SLAIN2: variants seen among roughly 807,000 people sequenced by gnomAD.
The protein encoded by SLAIN2 is SLAIN motif-containing protein 2.
SLAIN2 carries 31 observed loss-of-function variants against 56.6 expected under a neutral mutation model. That is an observed-to-expected ratio of 0.55 (90% CI 0.41 to 0.74). SLAIN2 has a LOEUF of 0.74. SLAIN2 is among the 30% of genes least tolerant of loss of function. The pLI, the probability that SLAIN2 is intolerant of heterozygous loss-of-function variation, is 0.00. For synonymous variants in SLAIN2, 317 were observed against 284.9 expected (o/e 1.11, Z -1.13); for missense variants, 777 against 754.2 (o/e 1.03, Z -0.35).
intron 2 of SLAIN2, among the ~76,000 whole-genome samples, chr4:48,372,013 T>C (rs542153146): frequency 3.4e-4 from 50 of 148,850 alleles, no homozygotes; most frequent in Non-Finnish European, 4.6e-4. Flanking sequence ...CACACACACA[T>C]ATACATATAT....
chr4:48,341,982 G>C lies in SLAIN2; in HGVS notation c.243G>C (p.Ser81=). Residue 81 remains serine, a synonymous_variant, in exon 1 of 8, where the codon TCG becomes TCC. Transcript: ENST00000264313. The part of the protein sequence containing the change: ...LSAKSGGGPG[S]GPRRTSSEEL... Reference sequence around the variant, plus strand: ...CCAAGTCGGGCGGCGGGCCCGGGTCGGGCCCGAGGCGGACGAGTAGCGAAG... The same window carrying C: ...CCAAGTCGGGCGGCGGGCCCGGGTCCGGCCCGAGGCGGACGAGTAGCGAAG... 2 of 1,429,364 alleles carry C rather than the reference G, an allele frequency of 1.4e-6. No homozygotes were observed. The highest frequency in any genetic ancestry group is 3.0e-5 in the South Asian group (2 of 66,258). 88.5% of individuals were successfully genotyped at this position (1,429,364 alleles called of 1,614,324 possible).
chr4:48,384,120 A>G (rs1716041418), intron 6 of SLAIN2, among the ~76,000 whole-genome samples: 1 of 152,210 alleles, frequency 6.6e-6, no homozygotes, highest in South Asian at 2.1e-4. Context: ...CCAGTAGAGC[A>G]TCCAAAAATA....
Position 48,378,582 on chromosome 4 carries a change from A to G in SLAIN2, c.703+522A>G, listed in dbSNP as rs77193287. 4.9e-3 allele frequency among the ~76,000 whole-genome samples: 739 copies of G among 152,262 alleles called. 3 individuals carry two copies. Among genetic ancestry groups the G allele is most frequent in the African/African-American group, 0.017 (695 of 41,558 alleles). On this transcript the variant is annotated intron_variant, in intron 3 of 7. Transcript: ENST00000264313. ...GTAGCTTACTCTTCACGAATTCACAATTCACCCATTTATTTACTCTTATTG... is the reference window on the plus strand; with the variant it reads ...GTAGCTTACTCTTCACGAATTCACAGTTCACCCATTTATTTACTCTTATTG...
intron 1 of SLAIN2, among the ~76,000 whole-genome samples, chr4:48,364,012 G>A (rs1362732211): frequency 1.2e-4 from 13 of 107,836 alleles, no homozygotes; most frequent in African/African-American, 3.2e-4. Flanking sequence ...GGTGGCTGCT[G>A]GGCGGAGACG....
At chr4:48,388,083 T>A (rs1286750275) in intron 6 of SLAIN2, among the ~76,000 whole-genome samples, 1 of 152,176 alleles carries the variant, frequency 6.6e-6, no homozygotes, top group East Asian at 1.9e-4. Context: ...TCACTTCTTT[T>A]GCCTTGTTAC....
intron 6 of SLAIN2, among the ~76,000 whole-genome samples, chr4:48,413,339 G>A (rs1716914887): frequency 6.6e-6 from 1 of 152,130 alleles, no homozygotes; most frequent in Non-Finnish European, 1.5e-5. Flanking sequence ...GTTATAACAC[G>A]ACATCCTGAC....
intron 1 of SLAIN2, among the ~76,000 whole-genome samples, chr4:48,364,011 T>G (rs9761034): frequency 1.4e-5 from 1 of 69,346 alleles, no homozygotes; most frequent in African/African-American, 4.7e-5. Flanking sequence ...GGGTGGCTGC[T>G]GGGCGGAGAC....
chr4:48,409,611 C>T (rs113340208), intron 6 of SLAIN2, among the ~76,000 whole-genome samples: 6 of 152,264 alleles, frequency 3.9e-5, no homozygotes, highest in African/African-American at 9.6e-5. Flanking sequence ...TGGTCAGACC[C>T]GGTGGCTCAC....
intron 2 of SLAIN2, among the ~76,000 whole-genome samples, chr4:48,371,108 TG>T (rs1384489428): frequency 3.4e-4 from 51 of 149,768 alleles, no homozygotes; most frequent in Admixed American, 1.2e-3. Flanking sequence ...TTTTTTGTTT[TG>T]TTTTTTTTTT....
chr4:48,344,089 G>T (rs1219742659), intron 1 of SLAIN2, among the ~76,000 whole-genome samples: 1 of 146,318 alleles, frequency 6.8e-6, no homozygotes, highest in Non-Finnish European at 1.5e-5. Flanking sequence ...GCATGAGTTT[G>T]TTAAGGTAAA....
At chr4:48,414,564 T>A (rs1232442070) in intron 6 of SLAIN2, among the ~76,000 whole-genome samples, 2 of 100,340 alleles carry the variant, frequency 2.0e-5, no homozygotes, top group Admixed American at 9.8e-5. Flanking sequence ...TTTTTTTTTT[T>A]TTTTTTATTA....
At chr4:48,406,918 A>T (rs1716712595) in intron 6 of SLAIN2, among the ~76,000 whole-genome samples, 1 of 152,008 alleles carries the variant, frequency 6.6e-6, no homozygotes, top group Admixed American at 6.5e-5. Flanking sequence ...TTTTATCTGG[A>T]TGTACAATAG....
rs530669127 is a variant in SLAIN2, at chr4:48,404,406, C to T, written c.1361-15719C>T. On this transcript the variant is annotated intron_variant, in intron 6 of 7. Coordinates refer to ENST00000264313, the MANE Select transcript of SLAIN2 (RefSeq NM_020846.2). ...TTGAATCTGTATCAGAAACAAGATA[C>T]ACTCATTATATCCTTCCTCTTTGCT... is the stretch of plus-strand genomic sequence containing the variant. Among the ~76,000 whole-genome samples, 12 of 115,908 alleles carry T rather than the reference C, an allele frequency of 1.0e-4. No individual in the cohort carries two copies. In the South Asian group the frequency reaches 2.8e-3, roughly 27 times the overall value. The allele number at this position is 115,908 out of a possible 152,430, so 76.0% of individuals were successfully genotyped here. A position where few individuals can be genotyped will look rare whatever the true frequency, so the allele number is the denominator to read the frequency against.
chr4:48,418,776 A>G (rs1185397178), intron 6 of SLAIN2, among the ~76,000 whole-genome samples: 1 of 152,168 alleles, frequency 6.6e-6, no homozygotes, highest in South Asian at 2.1e-4. Context: ...ACCTCCAACA[A>G]ACATTTGTTC....
At chr4:48,392,737 C>T (rs1716268015) in intron 6 of SLAIN2, among the ~76,000 whole-genome samples, 1 of 151,962 alleles carries the variant, frequency 6.6e-6, no homozygotes. Flanking sequence ...ATAATTGCAA[C>T]TTAAATCGCC....
intron 2 of SLAIN2, among the ~76,000 whole-genome samples, chr4:48,373,875 T>C (rs1715733087): frequency 6.6e-6 from 1 of 152,144 alleles, no homozygotes; most frequent in Non-Finnish European, 1.5e-5. Context: ...ACCCTGTCTC[T>C]ACTAAAAATA....
chr4:48,347,520 A>T (rs1714901216), intron 1 of SLAIN2, among the ~76,000 whole-genome samples: 1 of 152,178 alleles, frequency 6.6e-6, no homozygotes, highest in African/African-American at 2.4e-5. Context: ...AAGTGTTGGG[A>T]TTATAGGCGT....
intron 6 of SLAIN2, among the ~76,000 whole-genome samples, chr4:48,399,198 T>C (rs755732533): frequency 2.6e-5 from 4 of 152,228 alleles, no homozygotes; most frequent in Admixed American, 6.5e-5. Context: ...GGTTTGTGGT[T>C]TTCCTTGAAG....
At chr4:48,361,797 C>T (rs1715333522) in intron 1 of SLAIN2, among the ~76,000 whole-genome samples, 1 of 148,730 alleles carries the variant, frequency 6.7e-6, no homozygotes, top group African/African-American at 2.5e-5. Context: ...ATGTTCAGAT[C>T]TATAAACATG....
Sources: gnomAD v4.1 joint callset for allele counts (sites outside exome capture counted in the v4.1 genomes callset) on GRCh38, gnomAD v4.1.1 for gene constraint, MANE v1.5 for transcripts, NCBI Gene and HGNC (gene_info 2026-07-23, HGNC 2026-07-21) for gene names.